SNAP47: variants seen among roughly 807,000 people sequenced by gnomAD.
The protein encoded by SNAP47 is synaptosomal-associated protein 47.
SNAP47 carries 20 observed loss-of-function variants against 31.4 expected under a neutral mutation model. That is an observed-to-expected ratio of 0.64 (90% CI 0.45 to 0.93). The LOEUF (loss-of-function observed/expected upper bound fraction) is 0.93. Ranked by LOEUF, SNAP47 falls within the 40% of genes least tolerant of loss-of-function variation. The pLI, the probability that SNAP47 is intolerant of heterozygous loss-of-function variation, is 0.00. For synonymous variants in SNAP47, 194 were observed against 213.4 expected (o/e 0.91, Z 0.79); for missense variants, 492 against 528.5 (o/e 0.93, Z 0.68).
chr1:227,758,247 G>A (rs564237010), intron 2 of SNAP47, among the ~76,000 whole-genome samples: 46 of 152,318 alleles, frequency 3.0e-4, no homozygotes, highest in African/African-American at 9.9e-4. Flanking sequence ...AGAAGCTGGG[G>A]ACGCTGAGTC....
At chr1:227,734,153 C>CA (rs1299919796), upstream of SNAP47, 53 of 1,161,366 alleles carry the variant, frequency 4.6e-5, no homozygotes, top group East Asian at 1.3e-3. Context: ...CTGCAGCCCC[C>CA]AAAGAGCCCC....
In SNAP47 at chr1:227,763,388, G is replaced by A. The variant is rs1045904454; in HGVS notation, c.989-3571G>A. On this transcript the variant is annotated intron_variant, in intron 3 of 4. Transcript: ENST00000617596. This position sits in a 1 kb window ranked among gnomAD's most constrained non-coding sequence, Gnocchi z 4.2. The stretch of plus-strand genomic sequence containing the variant: ...GCCTGTACCTCTGCTTCCCCGGGCC[G>A]TGTGTCTGTCTGCACAGCAGCACCA... Among the ~76,000 whole-genome samples the A allele has an allele frequency of 6.6e-6, 1 of 152,214 alleles. No homozygotes were observed. Among genetic ancestry groups the A allele is most frequent in the Non-Finnish European group, 1.5e-5 (1 of 68,046 alleles).
rs370106100 is a variant in SNAP47, at chr1:227,763,833, G to A, written c.989-3126G>A. Among the ~76,000 whole-genome samples the A allele has an allele frequency of 2.0e-5, 3 of 152,220 alleles. No individual in the cohort carries two copies. The East Asian group carries it at 5.8e-4, about 29-fold the overall frequency. ...TGTTGGAGGCCAGGGCTGAGGGAAGGGGCTTGCTGGAGACAGACAGGCTGG... is the reference window on the plus strand; with the variant it reads ...TGTTGGAGGCCAGGGCTGAGGGAAGAGGCTTGCTGGAGACAGACAGGCTGG... On this transcript the variant is annotated intron_variant, in intron 3 of 4. Coordinates refer to ENST00000617596, the MANE Select transcript of SNAP47 (RefSeq NM_053052.4). This position sits in a 1 kb window ranked among gnomAD's most constrained non-coding sequence, Gnocchi z 4.2.
chr1:227,751,565 C>T (rs568119831), intron 2 of SNAP47, among the ~76,000 whole-genome samples: 86 of 152,256 alleles, frequency 5.6e-4, no homozygotes, highest in African/African-American at 1.9e-3. Context: ...TTGCCCACGC[C>T]GGTCCCTTCA....
intron 2 of SNAP47, among the ~76,000 whole-genome samples, chr1:227,749,179 A>G (rs1662178592): frequency 6.6e-6 from 1 of 152,058 alleles, no homozygotes; most frequent in Non-Finnish European, 1.5e-5. Flanking sequence ...TGGGTTTTCA[A>G]GGTGCTTGTT....
intron 1 of SNAP47, among the ~76,000 whole-genome samples, chr1:227,736,680 G>GTTTT (rs1558187372): frequency 2.4e-5 from 3 of 126,512 alleles, no homozygotes; most frequent in African/African-American, 6.4e-5. Flanking sequence ...TTGTTTTTTT[G>GTTTT]TTTTTGTTTT....
chr1:227,749,211 C>T (rs1038603577), intron 2 of SNAP47, among the ~76,000 whole-genome samples: 5 of 151,916 alleles, frequency 3.3e-5, no homozygotes, highest in Admixed American at 1.3e-4. Flanking sequence ...TTGTCGCGGT[C>T]GTTTTTCCTA....
intron 3 of SNAP47, 55 bp from the exon 4 acceptor site, chr1:227,766,904 G>A (rs770136427): frequency 1.1e-5 from 18 of 1,606,072 alleles, no homozygotes; most frequent in East Asian, 2.2e-5. Flanking sequence ...CAGAGCACAC[G>A]AGGGTTGTTG....
intron 1 of SNAP47, chr1:227,746,983 A>T (rs769591139): frequency 3.9e-5 from 6 of 152,250 alleles, no homozygotes; most frequent in Non-Finnish European, 7.3e-5. Context: ...CAAATCTATC[A>T]TCCAAGACTT....
At chr1:227,761,753 C>T (rs1663077487) in intron 3 of SNAP47, among the ~76,000 whole-genome samples, 1 of 152,122 alleles carries the variant, frequency 6.6e-6, no homozygotes, top group Admixed American at 6.5e-5. Flanking sequence ...AAGTTTGTGA[C>T]ATTCTGTGGA....
At chr1:227,751,301 G>C (rs986340343) in intron 2 of SNAP47, among the ~76,000 whole-genome samples, 1 of 152,152 alleles carries the variant, frequency 6.6e-6, no homozygotes, top group Non-Finnish European at 1.5e-5. Context: ...CCCTGCGCCA[G>C]CCCCACCACC....
At chr1:227,764,232 G>C (rs546126402) in intron 3 of SNAP47, among the ~76,000 whole-genome samples, 1 of 152,348 alleles carries the variant, frequency 6.6e-6, no homozygotes, top group Admixed American at 6.5e-5. Context: ...GAGTGACTCA[G>C]CAGCTCCACG....
At chr1:227,747,343 A>G (rs1662031040) in intron 1 of SNAP47, among the ~76,000 whole-genome samples, 1 of 152,130 alleles carries the variant, frequency 6.6e-6, no homozygotes, top group Non-Finnish European at 1.5e-5. Context: ...TGTCCTCCTC[A>G]AGTCTCGTCC....
intron 4 of SNAP47, among the ~76,000 whole-genome samples, chr1:227,780,286 G>T (rs1404186397): frequency 1.3e-5 from 2 of 152,224 alleles, no homozygotes; most frequent in Non-Finnish European, 2.9e-5. Flanking sequence ...CAGGCAGGAG[G>T]TGCGGGCAGG....
At chr1:227,733,569 G>A (rs1229008529), upstream of SNAP47, 3 of 1,606,700 alleles carry the variant, frequency 1.9e-6, no homozygotes, top group Middle Eastern at 5.0e-4. Flanking sequence ...AGGTTGCCGT[G>A]GCGGTCCCGC....
chr1:227,767,129 T>C, intron 4 of SNAP47, 46 bp downstream of exon 4: 4 of 1,608,408 alleles, frequency 2.5e-6, no homozygotes, highest in Non-Finnish European at 3.4e-6. Context: ...TGTCCCAGTC[T>C]TCCCGCAGGC....
In SNAP47 at chr1:227,741,821, C is replaced by T. The variant is rs1002572818; in HGVS notation, c.-45-5871C>T. On this transcript the variant is annotated intron_variant, in intron 1 of 4. Coordinates refer to ENST00000617596, the MANE Select transcript of SNAP47 (RefSeq NM_053052.4). The surrounding 1 kb of genome is among the most constrained non-coding windows in gnomAD (Gnocchi z 4.2). ...CACTTCCGTCCTTGCACTGCATCTC[C>T]GTTGACTAAGGTTTTCTGGGAAAGA... is the stretch of plus-strand genomic sequence containing the variant. 3.3e-5 allele frequency among the ~76,000 whole-genome samples: 5 copies of T among 152,208 alleles called. No homozygotes were observed. The South Asian group carries it at 8.3e-4, about 25-fold the overall frequency.
At chr1:227,764,894 ACT>A (rs1461002578) in intron 3 of SNAP47, among the ~76,000 whole-genome samples, 2 of 151,690 alleles carry the variant, frequency 1.3e-5, no homozygotes, top group Non-Finnish European at 2.9e-5. Flanking sequence ...ACAGAGCAAG[ACT>A]CTGTCTCAAA....
intron 2 of SNAP47, among the ~76,000 whole-genome samples, chr1:227,757,341 A>G (rs1572020764): frequency 6.6e-6 from 1 of 152,228 alleles, no homozygotes; most frequent in East Asian, 1.9e-4. Flanking sequence ...TCTTGGGTGC[A>G]GCCAGCACAG....
Sources: allele counts gnomAD v4.1 joint callset (sites outside exome capture counted in the v4.1 genomes callset), GRCh38; gene constraint gnomAD v4.1.1; non-coding constraint Gnocchi (gnomAD v3.1); transcripts MANE v1.5; gene names NCBI Gene and HGNC (gene_info 2026-07-23, HGNC 2026-07-21).